The following CDH10 variants were observed in gnomAD, a reference collection of about 807,000 sequenced individuals.
CDH10 encodes the protein cadherin 10, also known as cadherin-10.
Under a neutral mutation model 73.1 loss-of-function variants are expected in CDH10, and 30 were observed. The ratio of observed to expected loss-of-function variants is 0.41; its 90% CI spans 0.31 to 0.56. The LOEUF (loss-of-function observed/expected upper bound fraction) is 0.56. Among genes scored for constraint, CDH10 ranks in the 20% least tolerant of loss-of-function variants. The probability of loss-of-function intolerance (pLI) is 0.27; values close to 1 mark genes in which losing one functional copy is unlikely to be tolerated. For synonymous variants in CDH10, 345 were observed against 348.2 expected (o/e 0.99, Z 0.10); for missense variants, 815 against 973.7 (o/e 0.84, Z 2.17).
chr5:24,525,865 A>T (rs936212690), intron 5 of CDH10, among the ~76,000 whole-genome samples: 2 of 152,084 alleles, frequency 1.3e-5, no homozygotes, highest in African/African-American at 4.8e-5. Context: ...GCTGCCATGG[A>T]TCCCCAGAGT....
intron 2 of CDH10, among the ~76,000 whole-genome samples, chr5:24,592,097 T>C (rs1016784988): frequency 2.0e-5 from 3 of 151,908 alleles, no homozygotes; most frequent in Non-Finnish European, 4.4e-5. Flanking sequence ...TTTCCTTTTC[T>C]TTCTAGTCAA....
chr5:24,618,643 C>G (rs1234838629), intron 1 of CDH10, among the ~76,000 whole-genome samples: 1 of 152,168 alleles, frequency 6.6e-6, no homozygotes, highest in Non-Finnish European at 1.5e-5. Flanking sequence ...AGTCCAGTAA[C>G]TGGCGCTGGT....
intron 5 of CDH10, among the ~76,000 whole-genome samples, chr5:24,534,065 G>C (rs1743851227): frequency 6.6e-6 from 1 of 151,944 alleles, no homozygotes; most frequent in Non-Finnish European, 1.5e-5. Context: ...GTACAGAAAA[G>C]AGAAAAAATG....
At chr5:24,492,120 A>G (rs899331300) in intron 10 of CDH10, among the ~76,000 whole-genome samples, 3 of 152,208 alleles carry the variant, frequency 2.0e-5, no homozygotes, top group African/African-American at 4.8e-5. Flanking sequence ...GATGATAACA[A>G]CTGGCTTTTC....
Position 24,511,479 on chromosome 5 carries a change from C to G in CDH10, c.850G>C (p.Val284Leu), listed in dbSNP as rs774321163. Residue 284 changes from valine (V) to leucine (L), a missense_variant, in exon 6 of 12, where the codon GTT becomes CTT. Coordinates refer to ENST00000264463, the MANE Select transcript of CDH10 (RefSeq NM_006727.5). Reference sequence around the variant, plus strand: ...TTGACACTTCCAATGGCTGTGCCAACTGGGGAGGATTCAAGAACTCGAAGA... The same window carrying G: ...TTGACACTTCCAATGGCTGTGCCAAGTGGGGAGGATTCAAGAACTCGAAGA... The part of the protein sequence containing the change: ...IHLRVLESSP[V>L]GTAIGSVKAT... 6.2e-7 allele frequency: 1 copy of G among 1,603,730 alleles called. No homozygotes were observed. Among genetic ancestry groups the G allele is most frequent in the Non-Finnish European group, 8.5e-7 (1 of 1,173,320 alleles).
In CDH10 at chr5:24,565,792, C is replaced by G. The variant is rs374030457; in HGVS notation, c.231+27468G>C. Among the ~76,000 whole-genome samples, 13 of 152,146 alleles carry G rather than the reference C, an allele frequency of 8.5e-5. No individual in the cohort carries two copies. In the East Asian group the frequency reaches 2.5e-3, roughly 30 times the overall value. On this transcript the variant is annotated intron_variant, in intron 2 of 11. Coordinates refer to ENST00000264463, the MANE Select transcript of CDH10 (RefSeq NM_006727.5). Reference sequence around the variant, plus strand: ...ACACACACACCCACACCCACACATACACCTTGGAAAGGACATGGGAGGACA... The same window carrying G: ...ACACACACACCCACACCCACACATAGACCTTGGAAAGGACATGGGAGGACA...
At chr5:24,609,092 A>G (rs1746857386) in intron 1 of CDH10, among the ~76,000 whole-genome samples, 1 of 152,172 alleles carries the variant, frequency 6.6e-6, no homozygotes, top group Admixed American at 6.5e-5. Flanking sequence ...TAATTGTTGA[A>G]TTTTTAAAGC....
intron 5 of CDH10, among the ~76,000 whole-genome samples, chr5:24,513,159 T>C (rs1249557293): frequency 1.3e-5 from 2 of 151,750 alleles, no homozygotes; most frequent in Non-Finnish European, 2.9e-5. Context: ...GATGGGACTA[T>C]AGGCACCTGC....
intron 8 of CDH10, among the ~76,000 whole-genome samples, chr5:24,500,859 A>G (rs1291651652): frequency 6.6e-6 from 1 of 152,194 alleles, no homozygotes; most frequent in East Asian, 1.9e-4. Context: ...TACATTAATT[A>G]GCCTTTCTAC....
At chr5:24,635,398 G>A (rs1317310971) in intron 1 of CDH10, among the ~76,000 whole-genome samples, 2 of 151,908 alleles carry the variant, frequency 1.3e-5, no homozygotes, top group Admixed American at 1.3e-4. Flanking sequence ...GTGGCTCATG[G>A]ACCTCACAAC....
chr5:24,489,148 A>G (rs564853148), intron 11 of CDH10, among the ~76,000 whole-genome samples: 2 of 151,642 alleles, frequency 1.3e-5, no homozygotes, highest in African/African-American at 4.8e-5. Context: ...CTCTTACTGG[A>G]TATATATATA....
Position 24,604,347 on chromosome 5 carries a change from TA to T in CDH10, c.-123-10735del, listed in dbSNP as rs375879987. Among the ~76,000 whole-genome samples, 14 of 152,048 alleles carry T rather than the reference TA, an allele frequency of 9.2e-5. No individual in the cohort carries two copies. The East Asian group carries it at 1.6e-3, about 17-fold the overall frequency. On this transcript the variant is annotated intron_variant, in intron 1 of 11. Coordinates refer to ENST00000264463, the MANE Select transcript of CDH10 (RefSeq NM_006727.5). Reference sequence around the variant, plus strand: ...GGGTGACGAAGCAAAATTCTGTCTCTAAAAATACAATACAATAAAAAAAATT... The same window carrying T: ...GGGTGACGAAGCAAAATTCTGTCTCTAAAATACAATACAATAAAAAAAATT...
intron 1 of CDH10, among the ~76,000 whole-genome samples, chr5:24,606,991 A>C (rs1746783937): frequency 6.6e-6 from 1 of 152,210 alleles, no homozygotes; most frequent in Non-Finnish European, 1.5e-5. Flanking sequence ...ACAACAGACT[A>C]AGCCTAACAC....
intron 2 of CDH10, among the ~76,000 whole-genome samples, chr5:24,560,230 G>A (rs147842366): frequency 0.36 from 54,780 of 150,866 alleles, 11,898 homozygotes; most frequent in East Asian, 0.58. Context: ...GTGTGTGTGT[G>A]TGTGTGTGTG....
chr5:24,586,280 G>A lies in CDH10; in HGVS notation c.231+6980C>T, dbSNP rs570068901. On this transcript the variant is annotated intron_variant, in intron 2 of 11. Coordinates refer to ENST00000264463, the MANE Select transcript of CDH10 (RefSeq NM_006727.5). ...AGTTAGTGAGATAATTTTGCTAAAG[G>A]GGGAATCTGAAATTTACATTAAATT... 1.1e-4 allele frequency among the ~76,000 whole-genome samples: 16 copies of A among 151,994 alleles called. No homozygotes were observed. In the South Asian group the frequency reaches 3.3e-3, roughly 32 times the overall value.
chr5:24,630,449 A>G (rs1747665372), intron 1 of CDH10, among the ~76,000 whole-genome samples: 2 of 151,514 alleles, frequency 1.3e-5, no homozygotes, highest in South Asian at 4.2e-4. Flanking sequence ...GCTATGTGAG[A>G]GGTTGAGGCA....
At chr5:24,498,783 A>G (rs1742384836) in intron 8 of CDH10, among the ~76,000 whole-genome samples, 1 of 152,224 alleles carries the variant, frequency 6.6e-6, no homozygotes, top group African/African-American at 2.4e-5. Context: ...TTGAGTTCAC[A>G]CTATATTTGC....
At chr5:24,548,739 A>C (rs1744437215) in intron 2 of CDH10, among the ~76,000 whole-genome samples, 1 of 152,080 alleles carries the variant, frequency 6.6e-6, no homozygotes, top group Non-Finnish European at 1.5e-5. Flanking sequence ...ACAAAAAGAA[A>C]ACTTTCCAGT....
rs1245874142 is a variant in CDH10 at position 24,490,665 on chromosome 5, A to AT, written c.1876+910dup. 2.0e-5 allele frequency among the ~76,000 whole-genome samples: 3 copies of AT among 152,096 alleles called. No individual in the cohort carries two copies. The East Asian group carries it at 5.8e-4, about 29-fold the overall frequency. On this transcript the variant is annotated intron_variant, in intron 11 of 11. Coordinates refer to ENST00000264463, the MANE Select transcript of CDH10 (RefSeq NM_006727.5). ...AAGAACGTGGAAATATTTTTAATCC[A>AT]TTTTTGTTGTTGTTGCAGGCCTTAA...
Sources: gnomAD v4.1 joint callset for allele counts (sites outside exome capture counted in the v4.1 genomes callset) on GRCh38, gnomAD v4.1.1 for gene constraint, MANE v1.5 for transcripts, NCBI Gene and HGNC (gene_info 2026-07-23, HGNC 2026-07-21) for gene names.